EYS: variants seen among roughly 807,000 people sequenced by gnomAD.
EYS encodes EGF-like photoreceptor maintenance factor.
In EYS, 250 loss-of-function variants were observed where a neutral mutation model predicts 282.1. The observed-to-expected ratio is 0.89, with a 90% CI of 0.80 to 0.98. The LOEUF is 0.98. Ranked by LOEUF, EYS falls within the 50% of genes least tolerant of loss-of-function variation. EYS has a pLI of 0.00. For synonymous variants in EYS, 1,355 were observed against 1,282.9 expected (o/e 1.06, Z -1.20); for missense variants, 4,016 against 3,709.0 (o/e 1.08, Z -2.15).
rs148456417 is a variant in EYS, at chr6:63,891,669, C to T, written c.7056-27311G>A. Among the ~76,000 whole-genome samples, 1,166 of 152,194 alleles carry T rather than the reference C, an allele frequency of 7.7e-3. 19 individuals carry two copies. Among genetic ancestry groups the T allele is most frequent in the African/African-American group, 0.026 (1,088 of 41,534 alleles). On this transcript the variant is annotated intron_variant, in intron 35 of 42. Coordinates refer to ENST00000503581, the MANE Select transcript of EYS (RefSeq NM_001142800.2). The stretch of plus-strand genomic sequence containing the variant: ...AGCTGGTAGCATTCCCTTTGAAAAC[C>T]GGCACAAGACAAGGATGCTCTCTTT...
intron 5 of EYS, among the ~76,000 whole-genome samples, chr6:65,423,110 C>T (rs943136109): frequency 2.0e-5 from 3 of 151,558 alleles, no homozygotes; most frequent in Non-Finnish European, 4.4e-5. Flanking sequence ...CTGCATAATC[C>T]TCACCCACAT....
intron 2 of EYS, among the ~76,000 whole-genome samples, chr6:65,618,497 G>A (rs1380412131): frequency 6.6e-6 from 1 of 152,088 alleles, no homozygotes; most frequent in African/African-American, 2.4e-5. Context: ...TTCCTATTTT[G>A]TAGGTTGCTT....
At chr6:64,580,733 G>T (rs1766034645) in intron 26 of EYS, among the ~76,000 whole-genome samples, 6 of 152,056 alleles carry the variant, frequency 3.9e-5, no homozygotes, top group Admixed American at 3.9e-4. Context: ...AATGTGGAAG[G>T]CGGAATAGAA....
intron 26 of EYS, among the ~76,000 whole-genome samples, chr6:64,587,048 C>T (rs1048432606): frequency 4.6e-5 from 7 of 152,000 alleles, no homozygotes; most frequent in Admixed American, 6.6e-5. Context: ...GACTTTGATT[C>T]AATTTAATAG....
intron 35 of EYS, among the ~76,000 whole-genome samples, chr6:63,914,091 G>A (rs981273508): frequency 1.3e-5 from 2 of 152,200 alleles, no homozygotes; most frequent in Middle Eastern, 6.8e-3. Flanking sequence ...CATGTTGTAT[G>A]TATTCTGACT....
chr6:65,689,952 A>G (rs6902244), intron 1 of EYS, among the ~76,000 whole-genome samples: 120,641 of 149,296 alleles, frequency 0.81, 49,753 homozygotes, highest in Non-Finnish European at 0.83. Context: ...GTCCCGCAGT[A>G]CCAACAATGC....
chr6:65,472,840 T>A (rs540633393), intron 5 of EYS, among the ~76,000 whole-genome samples: 1 of 152,116 alleles, frequency 6.6e-6, no homozygotes, highest in Non-Finnish European at 1.5e-5. Flanking sequence ...CTTTATAAAA[T>A]TGTTTCTCTC....
At chr6:64,140,045 T>C (rs2150287383) in intron 31 of EYS, among the ~76,000 whole-genome samples, 1 of 152,104 alleles carries the variant, frequency 6.6e-6, no homozygotes, top group East Asian at 1.9e-4. Flanking sequence ...AAATGGAAAG[T>C]AAATAAAAGG....
At chr6:65,045,090 G>T (rs1045129974) in intron 13 of EYS, among the ~76,000 whole-genome samples, 3 of 151,732 alleles carry the variant, frequency 2.0e-5, no homozygotes, top group Admixed American at 6.6e-5. Flanking sequence ...TTGTTTTCAT[G>T]ATCTGTTTAG....
chr6:64,644,267 C>T (rs1313521582), intron 22 of EYS, among the ~76,000 whole-genome samples: 1 of 152,070 alleles, frequency 6.6e-6, no homozygotes, highest in Non-Finnish European at 1.5e-5. Context: ...AATGGAGCAT[C>T]CCAGTTTTAT....
chr6:64,372,771 T>C (rs1265055373), intron 29 of EYS, among the ~76,000 whole-genome samples: 4 of 152,198 alleles, frequency 2.6e-5, no homozygotes, highest in African/African-American at 9.6e-5. Context: ...TTTGTCTGAC[T>C]AATTTATTTT....
intron 31 of EYS, among the ~76,000 whole-genome samples, chr6:64,140,475 A>T (rs1006205870): frequency 2.0e-5 from 3 of 152,198 alleles, no homozygotes; most frequent in Non-Finnish European, 4.4e-5. Flanking sequence ...CCTGCCTCTC[A>T]TCCCAAGGAG....
chr6:64,041,364 G>A (rs1770382160), intron 33 of EYS, among the ~76,000 whole-genome samples: 1 of 152,092 alleles, frequency 6.6e-6, no homozygotes, highest in Non-Finnish European at 1.5e-5. Flanking sequence ...TTAAAAGTTG[G>A]TTGAATACGG....
At chr6:64,460,388 T>C (rs1562007875) in intron 26 of EYS, among the ~76,000 whole-genome samples, 1 of 152,202 alleles carries the variant, frequency 6.6e-6, no homozygotes, top group Non-Finnish European at 1.5e-5. Context: ...CAAATGTTAC[T>C]CTCAGTACTA....
intron 37 of EYS, among the ~76,000 whole-genome samples, chr6:63,804,928 A>G (rs1770866014): frequency 6.6e-6 from 1 of 152,144 alleles, no homozygotes; most frequent in Non-Finnish European, 1.5e-5. Flanking sequence ...TTGGAGGTAG[A>G]ATGAATAGTA....
chr6:65,447,312 GTGTGTATATATA>G (rs750840625), intron 5 of EYS, among the ~76,000 whole-genome samples: 23,217 of 133,344 alleles, frequency 0.17, 2,536 homozygotes, highest in Middle Eastern at 0.28. Flanking sequence ...CTCTCTGTGT[GTGTGTATATATA>G]TGTGTGTGTA....
chr6:63,920,893 C>T (rs2149743514), intron 35 of EYS, among the ~76,000 whole-genome samples: 1 of 151,272 alleles, frequency 6.6e-6, no homozygotes, highest in African/African-American at 2.4e-5. Flanking sequence ...CTTCTTCTTT[C>T]TTCCTTTTTT....
At chr6:64,135,280 C>T (rs1195924267) in intron 31 of EYS, among the ~76,000 whole-genome samples, 1 of 151,646 alleles carries the variant, frequency 6.6e-6, no homozygotes, top group Non-Finnish European at 1.5e-5. Context: ...GGGAGATCCT[C>T]AAGAAATTCA....
chr6:64,307,743 A>G (rs902967905), intron 29 of EYS, among the ~76,000 whole-genome samples: 4 of 152,086 alleles, frequency 2.6e-5, no homozygotes, highest in African/African-American at 9.7e-5. Flanking sequence ...AAAATGGGTA[A>G]CTATATGTGA....
Sources: gnomAD v4.1 joint callset for allele counts (sites outside exome capture counted in the v4.1 genomes callset) on GRCh38, gnomAD v4.1.1 for gene constraint, MANE v1.5 for transcripts, NCBI Gene and HGNC (gene_info 2026-07-23, HGNC 2026-07-21) for gene names.